ADARB2: variants seen among roughly 807,000 people sequenced by gnomAD.
The protein encoded by ADARB2 is adenosine deaminase RNA specific B2 (inactive), also known as inactive double-stranded RNA-specific editase B2.
A neutral mutation model predicts 62.2 loss-of-function variants in ADARB2; 25 were observed. That is an observed-to-expected ratio of 0.40 (90% CI 0.29 to 0.56). The LOEUF (loss-of-function observed/expected upper bound fraction) is 0.56. ADARB2 is among the 20% of genes least tolerant of loss of function. The probability of loss-of-function intolerance (pLI) is 0.43; values close to 1 mark genes in which losing one functional copy is unlikely to be tolerated. For synonymous variants in ADARB2, 572 were observed against 500.8 expected, an observed-to-expected ratio of 1.14 and a Z score of -1.90; for missense variants, 1,071 against 1,077.4, an observed-to-expected ratio of 0.99 and a Z score of 0.08.
chr10:1,720,031 AC>A (rs976054264), intron 1 of ADARB2, among the ~76,000 whole-genome samples: 1 of 152,114 alleles, frequency 6.6e-6, no homozygotes, highest in Non-Finnish European at 1.5e-5. Flanking sequence ...GGGTATACCC[AC>A]CCCCCACCAA....
rs1834859656 is a variant in ADARB2 at position 1,704,242 on chromosome 10, T to C, written c.100+32809A>G. Among the ~76,000 whole-genome samples, 3 of 152,186 alleles carry C rather than the reference T, an allele frequency of 2.0e-5. No individual in the cohort carries two copies. The South Asian group carries it at 6.2e-4, about 32-fold the overall frequency. On this transcript the variant is annotated intron_variant, in intron 1 of 9. Transcript: ENST00000381312. The surrounding 1 kb of genome is among the most constrained non-coding windows in gnomAD (Gnocchi z 5.6). Reference sequence around the variant, plus strand: ...TGATTCAAGCACATTATATTTATTGTGCACTTTATTTCTATTAATATTACA... The same window carrying C: ...TGATTCAAGCACATTATATTTATTGCGCACTTTATTTCTATTAATATTACA...
intron 1 of ADARB2, among the ~76,000 whole-genome samples, chr10:1,464,225 G>T (rs1831216963): frequency 7.5e-6 from 1 of 133,860 alleles, no homozygotes; most frequent in African/African-American, 2.7e-5. Flanking sequence ...ACGCGCTGGG[G>T]ACAGTCACAG....
chr10:1,661,833 G>A (rs1834252540), intron 1 of ADARB2, among the ~76,000 whole-genome samples: 1 of 152,190 alleles, frequency 6.6e-6, no homozygotes, highest in Non-Finnish European at 1.5e-5. Flanking sequence ...AAGGGACGGG[G>A]AGAATCAGGC....
intron 3 of ADARB2, among the ~76,000 whole-genome samples, chr10:1,288,417 T>C (rs1831432790): frequency 6.6e-6 from 1 of 152,254 alleles, no homozygotes; most frequent in East Asian, 1.9e-4. Context: ...GTGTCATTTC[T>C]GTTCATCCCC....
At position 1,542,937 on chromosome 10, in the gene ADARB2, A is replaced by G. The variant is rs990068804; in HGVS notation, c.101-163777T>C. On this transcript the variant is annotated intron_variant, in intron 1 of 9. Transcript: ENST00000381312. ...TTCAGACCCTGGATCACAGCCGTCC[A>G]GACCCCACTCAGACGCAGTTGGGAC... is the stretch of plus-strand genomic sequence containing the variant. Among the ~76,000 whole-genome samples the G allele has an allele frequency of 6.0e-4, 91 of 152,024 alleles. 1 individual carries two copies. Among genetic ancestry groups the G allele is most frequent in the Non-Finnish European group, 1.2e-3 (84 of 67,964 alleles).
At chr10:1,315,492 T>TTA (rs1443545761) in intron 3 of ADARB2, among the ~76,000 whole-genome samples, 5 of 152,220 alleles carry the variant, frequency 3.3e-5, no homozygotes, top group African/African-American at 9.6e-5. Context: ...GACATTTGAT[T>TTA]TATAGCTTTA....
intron 4 of ADARB2, among the ~76,000 whole-genome samples, chr10:1,246,307 A>G (rs920873856): frequency 2.7e-5 from 4 of 149,340 alleles, no homozygotes; most frequent in African/African-American, 7.4e-5. Context: ...CTCTGATGGT[A>G]GTTTCTTTTG....
At chr10:1,248,157 G>T (rs888766972) in intron 4 of ADARB2, among the ~76,000 whole-genome samples, 3 of 152,172 alleles carry the variant, frequency 2.0e-5, no homozygotes, top group Non-Finnish European at 2.9e-5. Flanking sequence ...CTGAGGTCCC[G>T]TCTCCAGCTG....
Position 1,363,760 on chromosome 10 carries a change from C to G in ADARB2, c.345G>C (p.Leu115=). 1 of 1,605,634 alleles carries G rather than the reference C, an allele frequency of 6.2e-7. No individual in the cohort carries two copies. The highest frequency in any genetic ancestry group is 8.5e-7 in the Non-Finnish European group (1 of 1,179,406). ...CCGACCACGACAGCTTCTTCCAGAC[C>G]AGCTGCAGTTTGCACAAGTGGCCCC... ...GNGGHLCKLQ[L]VWKKLSWSVA... The change falls in exon 3 of 10, where the codon CTG becomes CTC. Residue 115 remains leucine, a synonymous_variant. Transcript: ENST00000381312.
intron 1 of ADARB2, among the ~76,000 whole-genome samples, chr10:1,588,414 A>G (rs2132005826): frequency 6.6e-6 from 1 of 152,286 alleles, no homozygotes; most frequent in African/African-American, 2.4e-5. Flanking sequence ...CAATATAAGG[A>G]ACTTGATAGG....
chr10:1,734,670 A>G (rs1374962585), intron 1 of ADARB2, among the ~76,000 whole-genome samples: 3 of 152,210 alleles, frequency 2.0e-5, no homozygotes, highest in African/African-American at 7.2e-5. Flanking sequence ...TTATTCCCCC[A>G]TAAGAACAGC....
intron 3 of ADARB2, 27 bp from the exon 4 acceptor site, chr10:1,271,096 C>A (rs74547721): frequency 0.023 from 36,424 of 1,596,870 alleles, 530 homozygotes; most frequent in Non-Finnish European, 0.028. Flanking sequence ...CAGGCCTCCA[C>A]GTTGGGCTGA....
intron 1 of ADARB2, among the ~76,000 whole-genome samples, chr10:1,559,040 C>T (rs1832752655): frequency 2.0e-5 from 3 of 152,230 alleles, no homozygotes; most frequent in Admixed American, 1.3e-4. Flanking sequence ...TAAAGTCTCT[C>T]AATCGCATCC....
chr10:1,390,924 C>T (rs527428096), intron 1 of ADARB2, among the ~76,000 whole-genome samples: 9 of 152,206 alleles, frequency 5.9e-5, no homozygotes, highest in Non-Finnish European at 1.3e-4. Flanking sequence ...TGCCTTAAAT[C>T]GGCTTAGGTC....
Position 1,183,031 on chromosome 10 carries a change from T to G in ADARB2, c.*162A>C. 2.5e-6 allele frequency: 2 copies of G among 811,878 alleles called. No homozygotes were observed. Among genetic ancestry groups the G allele is most frequent in the Non-Finnish European group, 3.8e-6 (2 of 527,874 alleles). The allele number at this position is 811,878 out of a possible 1,614,324, so 50.3% of individuals were successfully genotyped here. ...CAGCGATCTGGAAAGAGGCACGTTC[T>G]GAATTTGTGTTGTTGCTCGTCCAAA... On this transcript the variant is annotated 3_prime_UTR_variant, in exon 10 of 10. Transcript: ENST00000381312.
intron 1 of ADARB2, among the ~76,000 whole-genome samples, chr10:1,480,371 T>C (rs1403214650): frequency 6.6e-6 from 1 of 152,230 alleles, no homozygotes; most frequent in East Asian, 1.9e-4. Flanking sequence ...TGCATTTCTA[T>C]GTACAAACAA....
chr10:1,469,650 A>G (rs1831297017), intron 1 of ADARB2, among the ~76,000 whole-genome samples: 1 of 152,208 alleles, frequency 6.6e-6, no homozygotes, highest in Admixed American at 6.5e-5. Flanking sequence ...CCTTCTGAGG[A>G]GAGAACAAAA....
chr10:1,522,938 G>C (rs1451859415), intron 1 of ADARB2, among the ~76,000 whole-genome samples: 1 of 152,110 alleles, frequency 6.6e-6, no homozygotes, highest in Non-Finnish European at 1.5e-5. Flanking sequence ...TCTCTCACCA[G>C]TGCGAGGATC....
intron 1 of ADARB2, among the ~76,000 whole-genome samples, chr10:1,536,680 G>C (rs1450241860): frequency 6.6e-6 from 1 of 152,184 alleles, no homozygotes; most frequent in Non-Finnish European, 1.5e-5. Flanking sequence ...CAAGAAAAAT[G>C]AGAAAATAAA....
Sources: allele counts gnomAD v4.1 joint callset (sites outside exome capture counted in the v4.1 genomes callset), GRCh38; gene constraint gnomAD v4.1.1; non-coding constraint Gnocchi (gnomAD v3.1); transcripts MANE v1.5; gene names NCBI Gene and HGNC (gene_info 2026-07-23, HGNC 2026-07-21).